The following RHOBTB2 variants were observed in gnomAD, a reference collection of about 807,000 sequenced individuals.
The protein encoded by RHOBTB2 is Rho related BTB domain containing 2, also known as rho-related BTB domain-containing protein 2.
A neutral mutation model predicts 66.5 loss-of-function variants in RHOBTB2; 39 were observed. That is an observed-to-expected ratio of 0.59 (90% confidence interval 0.45 to 0.77). The LOEUF is 0.77. RHOBTB2 is among the 30% of genes least tolerant of loss of function. The pLI, the probability that RHOBTB2 is intolerant of heterozygous loss-of-function variation, is 0.00. For missense variants in RHOBTB2, 755 were observed against 999.1 expected, an observed-to-expected ratio of 0.76 and a Z score of 3.29; for synonymous variants, 390 against 395.0, an observed-to-expected ratio of 0.99 and a Z score of 0.15.
chr8:22,961,486 C>T, the RHOBTB2 span, among the ~76,000 whole-genome samples: 3 of 152,190 alleles, frequency 2.0e-5, no homozygotes, highest in Admixed American at 1.3e-4. Context: ...GCCTGACTCT[C>T]GAGCCCTTCT....
the RHOBTB2 span, among the ~76,000 whole-genome samples, chr8:22,951,010 G>GA: frequency 1.3e-5 from 2 of 152,058 alleles, no homozygotes; most frequent in Admixed American, 1.3e-4. Flanking sequence ...TGTTAGAAAA[G>GA]AAAATGATTT....
intron 3 of RHOBTB2, among the ~76,000 whole-genome samples, 185 bp from the exon 4 acceptor site, chr8:23,005,775 A>G (rs1402059967): frequency 6.6e-6 from 1 of 152,204 alleles, no homozygotes; most frequent in Non-Finnish European, 1.5e-5. Flanking sequence ...GGCCAAAACA[A>G]GTCTTGAGCT....
rs527840485 is a variant in RHOBTB2 at position 22,987,952 on chromosome 8, G to A, written c.-137+389G>A. On this transcript the variant is annotated intron_variant, in intron 1 of 11. Transcript: ENST00000519685. The stretch of plus-strand genomic sequence containing the variant: ...GACCCTGGCCAGGACGGAACGGAAG[G>A]CCCCCAAGATCAAGTAGATGACACT... 7.2e-4 allele frequency among the ~76,000 whole-genome samples: 110 copies of A among 152,146 alleles called. 1 individual carries two copies. Among genetic ancestry groups the A allele is most frequent in the Admixed American group, 6.3e-3 (96 of 15,280 alleles).
At chr8:23,009,281 A>G (rs1412315976) in intron 6 of RHOBTB2, among the ~76,000 whole-genome samples, 1 of 152,164 alleles carries the variant, frequency 6.6e-6, no homozygotes, top group Non-Finnish European at 1.5e-5. Context: ...AGCTCTCACG[A>G]TGCCACCACT....
chr8:22,989,573 T>C (rs1202108478), intron 1 of RHOBTB2, among the ~76,000 whole-genome samples: 3 of 152,178 alleles, frequency 2.0e-5, no homozygotes, highest in African/African-American at 7.2e-5. Context: ...CCCTAACATG[T>C]CTTAGGCTAA....
At chr8:22,975,663 A>G in the RHOBTB2 span, among the ~76,000 whole-genome samples, 1 of 152,210 alleles carries the variant, frequency 6.6e-6, no homozygotes. Flanking sequence ...TAAGATCAGA[A>G]AACGCACCTC....
At chr8:22,975,510 A>G in the RHOBTB2 span, among the ~76,000 whole-genome samples, 1 of 152,152 alleles carries the variant, frequency 6.6e-6, no homozygotes, top group Non-Finnish European at 1.5e-5. Flanking sequence ...TGGAGGCCTG[A>G]GGCTGAGAAG....
At chr8:23,015,241 C>T (rs1473986279) in intron 8 of RHOBTB2, among the ~76,000 whole-genome samples, 2 of 152,162 alleles carry the variant, frequency 1.3e-5, no homozygotes, top group Non-Finnish European at 2.9e-5. Context: ...TGCAGACACC[C>T]CTGGGAAGGC....
chr8:22,963,533 GAA>G, the RHOBTB2 span, among the ~76,000 whole-genome samples: 50 of 147,242 alleles, frequency 3.4e-4, no homozygotes, highest in African/African-American at 1.1e-3. Flanking sequence ...TTAACAAAGT[GAA>G]AAAAAAAAAG....
Position 23,006,069 on chromosome 8 carries a change from A to T in RHOBTB2, c.406A>T (p.Ile136Phe). The T allele has an allele frequency of 1.9e-6, 3 of 1,613,234 alleles. No homozygotes were observed. ...GCACTTCTGCCCCCGAGCACCTGTC[A>T]TCTTGGTGGGCTGCCAGTTGGACCT... ...IKHFCPRAPV[I>F]LVGCQLDLRY... The change falls in exon 4 of 10, where the codon ATC (isoleucine) becomes TTC (phenylalanine). Residue 136 changes from isoleucine to phenylalanine, a missense_variant. Around this residue, in one of 7 missense-constraint regions of RHOBTB2, gnomAD observed 33 missense variants for 36.0 expected, o/e 0.92. Transcript: ENST00000251822. The surrounding 1 kb of genome is among the most constrained non-coding windows in gnomAD (Gnocchi z 6.1).
chr8:22,966,818 T>C, the RHOBTB2 span, among the ~76,000 whole-genome samples: 2 of 152,152 alleles, frequency 1.3e-5, no homozygotes, highest in Admixed American at 1.3e-4. Context: ...TCATAATAAG[T>C]ACGCAGACCA....
chr8:22,972,410 C>T, the RHOBTB2 span, among the ~76,000 whole-genome samples: 2 of 152,172 alleles, frequency 1.3e-5, no homozygotes, highest in African/African-American at 4.8e-5. Context: ...CCAAAGTCAG[C>T]GCATGGCCTT....
At position 22,999,811 on chromosome 8, in the gene RHOBTB2, C is replaced by T; in HGVS notation, c.-305C>T. 4 of 983,790 alleles carry T rather than the reference C, an allele frequency of 4.1e-6. No individual in the cohort carries two copies. Among genetic ancestry groups the T allele is most frequent in the Non-Finnish European group, 4.8e-6 (4 of 829,690 alleles). The allele number at this position is 983,790 out of a possible 1,614,324, so 60.9% of individuals were successfully genotyped here. The stretch of plus-strand genomic sequence containing the variant: ...TGCCTCCGCAGCCCGGCTCCGCGCG[C>T]CGCCGTGACATTGGGCGCCTGGCGC... On this transcript the variant is annotated 5_prime_UTR_variant, in exon 1 of 10. Transcript: ENST00000251822.
upstream of RHOBTB2, among the ~76,000 whole-genome samples, chr8:22,982,822 C>G (rs201828493): frequency 6.6e-6 from 1 of 152,224 alleles, no homozygotes; most frequent in Non-Finnish European, 1.5e-5. Context: ...AAAGGCTGGA[C>G]AGTCTGAGAT....
At chr8:22,982,901 C>T (rs1230347497), upstream of RHOBTB2, among the ~76,000 whole-genome samples, 2 of 152,294 alleles carry the variant, frequency 1.3e-5, no homozygotes, top group East Asian at 3.9e-4. Context: ...TGGCTGCTTC[C>T]TCTCAGGGCA....
chr8:23,011,186 G>A (rs1811137084), intron 7 of RHOBTB2, among the ~76,000 whole-genome samples: 1 of 152,194 alleles, frequency 6.6e-6, no homozygotes, highest in Admixed American at 6.5e-5. Flanking sequence ...CCCGGGAGGT[G>A]GAGTTTGCAG....
At chr8:22,995,304 C>T (rs1404806243), upstream of RHOBTB2, among the ~76,000 whole-genome samples, 1 of 152,172 alleles carries the variant, frequency 6.6e-6, no homozygotes, top group African/African-American at 2.4e-5. Flanking sequence ...AAATCTGCAT[C>T]CTGGCTCTTA....
chr8:23,015,071 G>A (rs1209526655), intron 8 of RHOBTB2, among the ~76,000 whole-genome samples: 1 of 152,128 alleles, frequency 6.6e-6, no homozygotes, highest in Admixed American at 6.5e-5. Flanking sequence ...GCCTGCCTGA[G>A]GTCATTTAAG....
chr8:22,988,487 C>T (rs562889425), intron 1 of RHOBTB2, among the ~76,000 whole-genome samples: 5 of 152,220 alleles, frequency 3.3e-5, no homozygotes, highest in East Asian at 1.9e-4. Flanking sequence ...TTACTACTCA[C>T]TCCCACGTCC....
Sources: gnomAD v4.1 joint callset for allele counts (sites outside exome capture counted in the v4.1 genomes callset) on GRCh38, gnomAD v4.1.1 for gene constraint, gnomAD v4.1.1 regional missense constraint, Gnocchi (gnomAD v3.1) non-coding constraint, MANE v1.5 for transcripts, NCBI Gene and HGNC (gene_info 2026-07-23, HGNC 2026-07-21) for gene names.